Variants in JAK1 observed in about 807,000 individuals in gnomAD.
JAK1 encodes the protein Janus kinase 1.
Under a neutral mutation model 136.6 loss-of-function variants are expected in JAK1, and 16 were observed. The observed-to-expected ratio is 0.12, with a 90% CI of 0.08 to 0.18. The LOEUF (loss-of-function observed/expected upper bound fraction) is 0.18, where lower values mean the gene tolerates loss of function less well. Ranked by LOEUF, JAK1 falls within the 10% of genes least tolerant of loss-of-function variation. JAK1 has a pLI of 1.00. For synonymous variants in JAK1, 492 were observed against 519.5 expected (o/e 0.95, Z 0.72); for missense variants, 859 against 1,450.1 (o/e 0.59, Z 6.62).
chr1:64,981,311 T>C (rs1245443395), intron 2 of JAK1, among the ~76,000 whole-genome samples: 1 of 152,228 alleles, frequency 6.6e-6, no homozygotes, highest in African/African-American at 2.4e-5. Context: ...AACGTGTCTT[T>C]TAATGCCTTC....
At chr1:64,965,192 T>C (rs1283356559) in intron 1 of JAK1, among the ~76,000 whole-genome samples, 1 of 152,220 alleles carries the variant, frequency 6.6e-6, no homozygotes, top group Non-Finnish European at 1.5e-5. Context: ...TAACTACCCA[T>C]GTTTTACTCC....
rs530418087 is a variant in JAK1 at position 64,905,550 on chromosome 1, C to T, written c.-77-19209G>A. 8.5e-5 allele frequency among the ~76,000 whole-genome samples: 13 copies of T among 152,142 alleles called. No homozygotes were observed. The South Asian group carries it at 2.7e-3, about 32-fold the overall frequency. On this transcript the variant is annotated intron_variant, in intron 1 of 24. Transcript: ENST00000342505. ...TTGAAAGCAGATATTGTACAGTAGG[C>T]CCCCTGTAAAATTTCCCAAATACCC... is the stretch of plus-strand genomic sequence containing the variant.
chr1:64,967,072 A>AT, upstream of JAK1, among the ~76,000 whole-genome samples: 2 of 152,104 alleles, frequency 1.3e-5, no homozygotes, highest in Admixed American at 1.3e-4. Context: ...AAAAAAAAAA[A>AT]GCATATGCAT....
Position 64,844,764 on chromosome 1 carries a change from C to T in JAK1, c.2241G>A (p.Leu747=), listed in dbSNP as rs771848622. The T allele has an allele frequency of 8.7e-6, 14 of 1,614,164 alleles. No individual in the cohort carries two copies. The East Asian group carries it at 1.3e-4, about 15-fold the overall frequency. Residue 747 remains leucine, a synonymous_variant, in exon 16 of 25, where the codon CTG becomes CTA. Transcript: ENST00000342505. The surrounding 1 kb of genome is among the most constrained non-coding windows in gnomAD (Gnocchi z 5.7). ...LSDPGIPITV[L]SRQECIERIP... ...AGAGGGGAGACACACCTTGCCTAGA[C>T]AGCACCGTAATGGGGATGCCGGGGT...
At position 64,837,912 on chromosome 1, in the gene JAK1, T is replaced by C; in HGVS notation, c.3140+20A>G. 1 of 1,598,520 alleles carries C rather than the reference T, an allele frequency of 6.3e-7. No homozygotes were observed. Among genetic ancestry groups the C allele is most frequent in the Non-Finnish European group, 8.6e-7 (1 of 1,168,032 alleles). ...AACTCTATGAAGCATTGATAAAACC[T>C]AGTGGTTTGATTCAGTTACCAAAAC... On this transcript the variant is annotated intron_variant, in intron 22 of 24. Coordinates refer to ENST00000342505, the MANE Select transcript of JAK1 (RefSeq NM_002227.4).
At chr1:65,014,981 G>A (rs992701236) in intron 2 of JAK1, among the ~76,000 whole-genome samples, 6 of 152,012 alleles carry the variant, frequency 3.9e-5, no homozygotes, top group South Asian at 2.1e-4. Flanking sequence ...CACCGCGCCC[G>A]GCCCATATTA....
intron 2 of JAK1, among the ~76,000 whole-genome samples, chr1:65,028,481 A>AAGGAAGGG (rs1646996465): frequency 4.1e-5 from 5 of 122,088 alleles, no homozygotes; most frequent in African/African-American, 1.6e-4. Flanking sequence ...GAAAGGAAGG[A>AAGGAAGGG]AGGGAGGGAG....
chr1:65,013,524 G>C (rs569281892), intron 2 of JAK1, among the ~76,000 whole-genome samples: 31 of 152,264 alleles, frequency 2.0e-4, no homozygotes, highest in African/African-American at 7.2e-4. Flanking sequence ...AGTACAATGA[G>C]GAAACAATTT....
At chr1:65,006,346 C>T (rs1365040642) in intron 2 of JAK1, among the ~76,000 whole-genome samples, 1 of 151,964 alleles carries the variant, frequency 6.6e-6, no homozygotes, top group Non-Finnish European at 1.5e-5. Context: ...ATTAAAACGG[C>T]TTCTATTGTT....
At chr1:64,835,317 C>G (rs565779546) in intron 24 of JAK1, 79 bp downstream of exon 24, 6 of 719,358 alleles carry the variant, frequency 8.3e-6, no homozygotes, top group Admixed American at 5.3e-5. Flanking sequence ...GCTCTCCCCT[C>G]TACCCATTGC....
At chr1:65,065,739 A>C (rs543057143) in intron 1 of JAK1, among the ~76,000 whole-genome samples, 1 of 150,796 alleles carries the variant, frequency 6.6e-6, no homozygotes. Context: ...CTGGGGAAAG[A>C]AAGCCAGAGA....
chr1:64,857,251 T>A (rs1463225019), intron 10 of JAK1, among the ~76,000 whole-genome samples: 1 of 152,234 alleles, frequency 6.6e-6, no homozygotes, highest in African/African-American at 2.4e-5. Flanking sequence ...GGGCGCTGGT[T>A]TGTACCAGTG....
At chr1:64,868,698 G>A (rs532942482) in intron 6 of JAK1, among the ~76,000 whole-genome samples, 2 of 152,254 alleles carry the variant, frequency 1.3e-5, no homozygotes, top group South Asian at 4.1e-4. Context: ...TCTTCAAAAT[G>A]AGACTGTCTT....
intron 8 of JAK1, among the ~76,000 whole-genome samples, chr1:64,861,921 G>A (rs1656371031): frequency 6.6e-6 from 1 of 152,206 alleles, no homozygotes; most frequent in South Asian, 2.1e-4. Flanking sequence ...GCTGGCCTGG[G>A]CAGCCCCTCA....
At chr1:65,043,090 C>G (rs1257341592) in intron 2 of JAK1, among the ~76,000 whole-genome samples, 1 of 152,162 alleles carries the variant, frequency 6.6e-6, no homozygotes, top group Non-Finnish European at 1.5e-5. Context: ...ATCATGGAAT[C>G]TAATGTTTTT....
chr1:64,857,892 T>G, intron 9 of JAK1, 113 bp from the exon 10 acceptor site: 1 of 1,292,398 alleles, frequency 7.7e-7, no homozygotes, highest in Non-Finnish European at 1.1e-6. Context: ...CATCACACTA[T>G]CTGCCCTGCC....
At chr1:64,941,187 A>T (rs1645884210) in intron 1 of JAK1, among the ~76,000 whole-genome samples, 1 of 152,160 alleles carries the variant, frequency 6.6e-6, no homozygotes, top group African/African-American at 2.4e-5. Flanking sequence ...AATAAAATAA[A>T]GTAGTTGAAG....
At chr1:64,916,072 G>A (rs184108022) in intron 1 of JAK1, among the ~76,000 whole-genome samples, 1 of 152,286 alleles carries the variant, frequency 6.6e-6, no homozygotes, top group East Asian at 1.9e-4. Context: ...GACGTTCAAA[G>A]TTCACAAGCC....
chr1:64,998,576 G>A (rs1367110731), intron 2 of JAK1, among the ~76,000 whole-genome samples: 1 of 152,170 alleles, frequency 6.6e-6, no homozygotes, highest in Non-Finnish European at 1.5e-5. Flanking sequence ...AAGAGAAGAG[G>A]ATGTTGATAT....
Sources: gnomAD v4.1 joint callset for allele counts (sites outside exome capture counted in the v4.1 genomes callset) on GRCh38, gnomAD v4.1.1 for gene constraint, Gnocchi (gnomAD v3.1) non-coding constraint, MANE v1.5 for transcripts, NCBI Gene and HGNC (gene_info 2026-07-23, HGNC 2026-07-21) for gene names.